Variants in DNER observed in about 807,000 individuals in gnomAD.
The protein encoded by DNER is delta/notch like EGF repeat containing.
In DNER, 33 loss-of-function variants were observed where a neutral mutation model predicts 78.2. The observed-to-expected ratio is 0.42, with a 90% CI of 0.32 to 0.56. DNER has a LOEUF of 0.56. Among genes scored for constraint, DNER ranks in the 20% least tolerant of loss-of-function variants. The pLI, the probability that DNER is intolerant of heterozygous loss-of-function variation, is 0.11. For synonymous variants in DNER, 417 were observed against 384.8 expected (o/e 1.08, Z -0.98); for missense variants, 918 against 975.3 (o/e 0.94, Z 0.78).
At chr2:229,568,994 C>T (rs1300336349) in intron 4 of DNER, among the ~76,000 whole-genome samples, 1 of 152,236 alleles carries the variant, frequency 6.6e-6, no homozygotes, top group Non-Finnish European at 1.5e-5. Flanking sequence ...TATGTGTGTG[C>T]ATATACACGA....
At chr2:229,583,796 T>C (rs1211815850) in intron 4 of DNER, among the ~76,000 whole-genome samples, 3 of 152,224 alleles carry the variant, frequency 2.0e-5, no homozygotes, top group African/African-American at 7.2e-5. Flanking sequence ...TCAGATTTGA[T>C]TCTTGACAAG....
intron 11 of DNER, among the ~76,000 whole-genome samples, chr2:229,371,351 T>C (rs528897867): frequency 1.3e-5 from 2 of 152,350 alleles, no homozygotes; most frequent in East Asian, 1.9e-4. Flanking sequence ...TTGTTGACTA[T>C]GTTTGCTACA....
intron 10 of DNER, among the ~76,000 whole-genome samples, chr2:229,396,704 T>C (rs1693151915): frequency 6.6e-6 from 1 of 152,228 alleles, no homozygotes; most frequent in African/African-American, 2.4e-5. Flanking sequence ...TGGTAATTGT[T>C]ATCTGTCATA....
At chr2:229,407,841 A>G (rs1215283686) in intron 9 of DNER, among the ~76,000 whole-genome samples, 10 of 152,228 alleles carry the variant, frequency 6.6e-5, no homozygotes, top group Non-Finnish European at 1.3e-4. Context: ...CAAAGACATC[A>G]CTGCATGCTT....
At chr2:229,628,289 C>T (rs1481572974) in intron 1 of DNER, among the ~76,000 whole-genome samples, 1 of 152,144 alleles carries the variant, frequency 6.6e-6, no homozygotes, top group Non-Finnish European at 1.5e-5. Flanking sequence ...GTCATATATC[C>T]ACAGTTTCAG....
chr2:229,538,770 C>T (rs563024634), intron 5 of DNER, among the ~76,000 whole-genome samples: 1 of 152,040 alleles, frequency 6.6e-6, no homozygotes, highest in Non-Finnish European at 1.5e-5. Flanking sequence ...AACTCCCCAC[C>T]TCAGGTGATC....
intron 1 of DNER, among the ~76,000 whole-genome samples, chr2:229,705,136 G>A (rs935802361): frequency 1.1e-4 from 16 of 152,120 alleles, no homozygotes; most frequent in South Asian, 2.1e-4. Flanking sequence ...CGCTTCAGTC[G>A]TCTCATGGAA....
At position 229,591,720 on chromosome 2, in the gene DNER, C is replaced by T; in HGVS notation, c.445G>A (p.Ala149Thr). Reference sequence around the variant, plus strand: ...GGAACAGGCTGAAGCTGTCGGGGTGCCATGGATTCGGTCCAGCCAGTGGCT... The same window carrying T: ...GGAACAGGCTGAAGCTGTCGGGGTGTCATGGATTCGGTCCAGCCAGTGGCT... ...LPATGWTESM[A>T]PRQLQPVPAT... The change falls in exon 2 of 13, where the codon GCA becomes ACA. Residue 149 changes from alanine (A) to threonine (T), a missense_variant. By Grantham distance (58) the Ala-to-Thr change is moderately conservative. Coordinates refer to ENST00000341772, the MANE Select transcript of DNER (RefSeq NM_139072.4). This position sits in a 1 kb window ranked among gnomAD's most constrained non-coding sequence, Gnocchi z 4.6. 1 of 1,614,156 alleles carries T rather than the reference C, an allele frequency of 6.2e-7. No individual in the cohort carries two copies. The highest frequency in any genetic ancestry group is 8.5e-7 in the Non-Finnish European group (1 of 1,180,020).
chr2:229,512,480 A>T (rs1392278073), intron 6 of DNER, among the ~76,000 whole-genome samples: 2 of 152,168 alleles, frequency 1.3e-5, no homozygotes, highest in Non-Finnish European at 2.9e-5. Flanking sequence ...AAAACCAAAC[A>T]TCATATGTTC....
intron 7 of DNER, among the ~76,000 whole-genome samples, chr2:229,453,400 T>TG (rs1694501098): frequency 6.6e-6 from 1 of 152,206 alleles, no homozygotes; most frequent in Non-Finnish European, 1.5e-5. Flanking sequence ...CTTTTGCAGT[T>TG]GTTCAATAGT....
intron 4 of DNER, among the ~76,000 whole-genome samples, chr2:229,571,472 C>A (rs886632392): frequency 1.3e-4 from 19 of 151,988 alleles, no homozygotes; most frequent in African/African-American, 4.4e-4. Flanking sequence ...GCTCAACACT[C>A]GCGTTTACCC....
intron 12 of DNER, among the ~76,000 whole-genome samples, chr2:229,363,986 T>A (rs1046025699): frequency 1.1e-5 from 1 of 94,590 alleles, no homozygotes; most frequent in African/African-American, 5.3e-5. Context: ...AATTCTCTGC[T>A]TTTTTTTTTT....
chr2:229,529,538 A>G (rs1199241592), intron 5 of DNER, among the ~76,000 whole-genome samples: 1 of 152,194 alleles, frequency 6.6e-6, no homozygotes, highest in Non-Finnish European at 1.5e-5. Context: ...CAACATTAAT[A>G]CTTCTGGAAT....
chr2:229,485,763 C>T (rs1165817791), intron 6 of DNER, among the ~76,000 whole-genome samples: 1 of 152,088 alleles, frequency 6.6e-6, no homozygotes, highest in Non-Finnish European at 1.5e-5. Flanking sequence ...ATTCTCCTTC[C>T]CTGCACAGTT....
At chr2:229,362,437 A>G (rs1374999434) in intron 12 of DNER, among the ~76,000 whole-genome samples, 1 of 152,200 alleles carries the variant, frequency 6.6e-6, no homozygotes, top group African/African-American at 2.4e-5. Context: ...TGTGCCTGAC[A>G]AGAGGCTATG....
intron 6 of DNER, among the ~76,000 whole-genome samples, chr2:229,491,662 C>T (rs1035735464): frequency 6.6e-5 from 10 of 152,260 alleles, no homozygotes; most frequent in African/African-American, 2.4e-4. Flanking sequence ...CAATCCTATT[C>T]CCATTTTTCT....
intron 1 of DNER, among the ~76,000 whole-genome samples, chr2:229,626,289 T>C (rs997078932): frequency 3.3e-5 from 5 of 152,194 alleles, no homozygotes; most frequent in African/African-American, 1.2e-4. Flanking sequence ...GGGGGAAATA[T>C]TGAGTGAAGG....
At chr2:229,672,729 G>T (rs1699231504) in intron 1 of DNER, among the ~76,000 whole-genome samples, 1 of 152,092 alleles carries the variant, frequency 6.6e-6, no homozygotes, top group Non-Finnish European at 1.5e-5. Context: ...CCTAGCCTCT[G>T]AAGTCATGTC....
chr2:229,680,978 G>A (rs755766503), intron 1 of DNER, among the ~76,000 whole-genome samples: 7 of 152,190 alleles, frequency 4.6e-5, no homozygotes, highest in Admixed American at 3.9e-4. Context: ...GGAGTGGAGA[G>A]GAAGTTAATC....
Sources: gnomAD v4.1 joint callset for allele counts (sites outside exome capture counted in the v4.1 genomes callset) on GRCh38, gnomAD v4.1.1 for gene constraint, Gnocchi (gnomAD v3.1) non-coding constraint, MANE v1.5 for transcripts, NCBI Gene and HGNC (gene_info 2026-07-23, HGNC 2026-07-21) for gene names.